Variants in CNPY3 observed in about 807,000 individuals in gnomAD.
The protein encoded by CNPY3 is protein canopy homolog 3.
CNPY3 carries 20 observed loss-of-function variants against 32.0 expected under a neutral mutation model. That is an observed-to-expected ratio of 0.63 (90% CI 0.44 to 0.91). The LOEUF is 0.91. Among genes scored for constraint, CNPY3 ranks in the 40% least tolerant of loss-of-function variants. The pLI is 0.00. For synonymous variants in CNPY3, 138 were observed against 142.9 expected, an observed-to-expected ratio of 0.97 and a Z score of 0.24; for missense variants, 299 against 340.8, an observed-to-expected ratio of 0.88 and a Z score of 0.97.
intron 1 of CNPY3, among the ~76,000 whole-genome samples, chr6:42,933,126 C>G (rs1767952933): frequency 6.6e-6 from 1 of 152,172 alleles, no homozygotes. Flanking sequence ...AGAGTGAAAT[C>G]TAGAGCAATT....
chr6:42,930,066 T>C (rs779786079), intron 1 of CNPY3, among the ~76,000 whole-genome samples: 3 of 151,760 alleles, frequency 2.0e-5, no homozygotes, highest in Non-Finnish European at 2.9e-5. Flanking sequence ...AAAGAGGGCT[T>C]CATACAGGAA....
intron 2 of CNPY3, 78 bp downstream of exon 2, chr6:42,934,676 C>A: frequency 1.3e-6 from 2 of 1,588,134 alleles, no homozygotes; most frequent in Non-Finnish European, 1.7e-6. Context: ...CTTCTCCTAG[C>A]TAGGCAAACC....
intron 4 of CNPY3, 75 bp from the exon 5 acceptor site, chr6:42,938,015 C>A (rs1393746985): frequency 1.0e-5 from 15 of 1,483,304 alleles, no homozygotes; most frequent in Non-Finnish European, 1.4e-5. Flanking sequence ...CAGTGGGTTG[C>A]GAGGCTTAGC....
intron 1 of CNPY3, among the ~76,000 whole-genome samples, chr6:42,932,689 A>G (rs1218869620): frequency 1.3e-5 from 2 of 152,170 alleles, no homozygotes; most frequent in African/African-American, 2.4e-5. Flanking sequence ...GGGAGCCCAG[A>G]TGGTCCTGGA....
At chr6:42,937,117 A>G (rs1264292505) in intron 3 of CNPY3, among the ~76,000 whole-genome samples, 1 of 152,134 alleles carries the variant, frequency 6.6e-6, no homozygotes, top group African/African-American at 2.4e-5. Context: ...TCTGGATGAT[A>G]TGGGAGTGTT....
At chr6:42,929,451 T>G, upstream of CNPY3, 2 of 1,066,962 alleles carry the variant, frequency 1.9e-6, no homozygotes, top group Non-Finnish European at 2.6e-6. Context: ...GGAGGCTAGC[T>G]GTTGTCGTGG....
At chr6:42,932,688 G>C (rs1767919483) in intron 1 of CNPY3, among the ~76,000 whole-genome samples, 1 of 152,186 alleles carries the variant, frequency 6.6e-6, no homozygotes. Context: ...AGGGAGCCCA[G>C]ATGGTCCTGG....
At chr6:42,929,417 G>A (rs1276787968), upstream of CNPY3, 6 of 812,450 alleles carry the variant, frequency 7.4e-6, no homozygotes, top group Admixed American at 3.0e-5. Context: ...AAGGCGGGCT[G>A]CGGCTGCGAG....
intron 5 of CNPY3, 62 bp from the exon 6 acceptor site, chr6:42,938,506 C>A: frequency 6.8e-7 from 1 of 1,471,616 alleles, no homozygotes; most frequent in Non-Finnish European, 9.2e-7. Flanking sequence ...GCTCAGTGCT[C>A]CTTGCCCAGC....
chr6:42,928,041 G>A (rs957382294), upstream of CNPY3, among the ~76,000 whole-genome samples: 2 of 149,140 alleles, frequency 1.3e-5, no homozygotes, highest in Admixed American at 6.6e-5. Flanking sequence ...AGGCTGGAGT[G>A]CAATGGCGTG....
In CNPY3 at chr6:42,937,840, G is replaced by A. The variant is rs1554292820; in HGVS notation, c.495+1G>A. 2 of 1,614,154 alleles carry A rather than the reference G, an allele frequency of 1.2e-6. No individual in the cohort carries two copies. The highest frequency in any genetic ancestry group is 2.2e-5 in the East Asian group (1 of 44,880). On this transcript the variant is annotated splice_donor_variant, in intron 4 of 5. Transcript: ENST00000372836. LOFTEE classifies it high-confidence loss of function. Reference sequence around the variant, plus strand: ...AGAGGTGGCTGACCTCAAGAAGCAGGTACAGGCCCTTCAGCCCTTGGAAGG... The same window carrying A: ...AGAGGTGGCTGACCTCAAGAAGCAGATACAGGCCCTTCAGCCCTTGGAAGG...
intron 3 of CNPY3, among the ~76,000 whole-genome samples, chr6:42,935,891 A>G (rs1468237435): frequency 6.6e-6 from 1 of 152,068 alleles, no homozygotes; most frequent in Non-Finnish European, 1.5e-5. Flanking sequence ...TCCTGCTTCA[A>G]TCTCAGACAC....
chr6:42,934,718 T>A (rs1768091526), intron 2 of CNPY3, 120 bp downstream of exon 2: 1 of 1,375,842 alleles, frequency 7.3e-7, no homozygotes, highest in Non-Finnish European at 1.0e-6. Flanking sequence ...AACCAAGACC[T>A]GAGTTTGCCC....
In CNPY3 at chr6:42,935,546, T is replaced by C. The variant is rs762072969; in HGVS notation, c.276-28T>C. The C allele has an allele frequency of 3.1e-6, 5 of 1,597,364 alleles. No individual in the cohort carries two copies. The Admixed American group carries it at 6.7e-5, about 21-fold the overall frequency. On this transcript the variant is annotated intron_variant, in intron 2 of 5. Coordinates refer to ENST00000372836, the MANE Select transcript of CNPY3 (RefSeq NM_006586.5). The stretch of plus-strand genomic sequence containing the variant: ...AACCCACTGCGGCTAGGAGGGGAAC[T>C]CAGTTCCTCATCCTCCTGTCTTGGC...
In CNPY3 at chr6:42,939,265, T is replaced by A; in HGVS notation, c.*474T>A. 1 of 986,978 alleles carries A rather than the reference T, an allele frequency of 1.0e-6. No homozygotes were observed. Among genetic ancestry groups the A allele is most frequent in the Non-Finnish European group, 1.2e-6 (1 of 831,134 alleles). The allele number at this position is 986,978 out of a possible 1,614,324, so 61.1% of individuals were successfully genotyped here. Reference sequence around the variant, plus strand: ...AGAGTAAAAATGTTCTGGTTCTGATTTCTGAGTCCTCTGCAGCCCTCAGAG... The same window carrying A: ...AGAGTAAAAATGTTCTGGTTCTGATATCTGAGTCCTCTGCAGCCCTCAGAG... On this transcript the variant is annotated 3_prime_UTR_variant, in exon 6 of 6. Transcript: ENST00000372836.
At chr6:42,936,161 A>G (rs1237667261) in intron 3 of CNPY3, among the ~76,000 whole-genome samples, 1 of 152,156 alleles carries the variant, frequency 6.6e-6, no homozygotes, top group Non-Finnish European at 1.5e-5. Flanking sequence ...GCTGCTTACA[A>G]CAAGGCCCAT....
At chr6:42,937,610 G>A (rs1453670714) in intron 3 of CNPY3, 107 bp from the exon 4 acceptor site, 2 of 1,172,584 alleles carry the variant, frequency 1.7e-6, no homozygotes, top group African/African-American at 1.5e-5. Flanking sequence ...GATCCTTAGA[G>A]GGCGTTGAGC....
At position 42,934,583 on chromosome 6, in the gene CNPY3, T is replaced by G; in HGVS notation, c.260T>G (p.Val87Gly). The G allele has an allele frequency of 6.2e-7, 1 of 1,613,730 alleles. No individual in the cohort carries two copies. The highest frequency in any genetic ancestry group is 8.5e-7 in the Non-Finnish European group (1 of 1,179,938). ...ATCCTGGACCAGAAGGCCTCTGGAG[T>G]CAAATACACCAAGTCGTAAGTGAAT... ...YGILDQKASG[V>G]KYTKSDLRLI... The change falls in exon 2 of 6, where the codon GTC becomes GGC. Residue 87 changes from valine (V) to glycine (G), a missense_variant. Transcript: ENST00000372836.
In CNPY3 at chr6:42,929,701, G is replaced by T. The variant is rs1767628516; in HGVS notation, c.131G>T (p.Arg44Leu). ...QAGAEENDWV[R>L]LPSKCEVCKY... is the part of the protein sequence containing the mutation. The stretch of plus-strand genomic sequence containing the variant: ...GGAGCTGAGGAGAACGACTGGGTTC[G>T]CCTGCCCAGCAAATGCGAAGGTGAG... The change falls in exon 1 of 6, where the codon CGC becomes CTC. Residue 44 changes from arginine to leucine, a missense_variant. This residue lies in a region of CNPY3 where 88 missense variants were observed against 62.5 expected (regional missense o/e 1.41). Coordinates refer to ENST00000372836, the MANE Select transcript of CNPY3 (RefSeq NM_006586.5). 1.3e-6 allele frequency: 2 copies of T among 1,548,272 alleles called. No individual in the cohort carries two copies. Among genetic ancestry groups the T allele is most frequent in the East Asian group, 2.4e-5 (1 of 40,920 alleles).
Sources: gnomAD v4.1 joint callset for allele counts (sites outside exome capture counted in the v4.1 genomes callset) on GRCh38, gnomAD v4.1.1 for gene constraint, gnomAD v4.1.1 regional missense constraint, MANE v1.5 for transcripts, NCBI Gene and HGNC (gene_info 2026-07-23, HGNC 2026-07-21) for gene names.